ATL2: variants seen among roughly 807,000 people sequenced by gnomAD.
ATL2 encodes atlastin GTPase 2.
ATL2 carries 31 observed loss-of-function variants against 73.9 expected under a neutral mutation model. That is an observed-to-expected ratio of 0.42 (90% confidence interval 0.32 to 0.57). The LOEUF (loss-of-function observed/expected upper bound fraction) is 0.57. Ranked by LOEUF, ATL2 falls within the 20% of genes least tolerant of loss-of-function variation. The pLI is 0.14. For missense variants in ATL2, 738 were observed against 702.6 expected (o/e 1.05, Z -0.57); for synonymous variants, 291 against 237.5 (o/e 1.23, Z -2.07).
At chr2:38,372,683 T>G (rs1671755639) in intron 1 of ATL2, among the ~76,000 whole-genome samples, 1 of 152,262 alleles carries the variant, frequency 6.6e-6, no homozygotes. Flanking sequence ...CATCTTATGT[T>G]AATAACTGAA....
In ATL2 at chr2:38,376,193, CAG is replaced by C. The variant is rs1292730665; in HGVS notation, c.118+948_118+949del. ...CTTAAGTACCATCAAAATTTTCAAT[CAG>C]GATTTCATGCGATCAATTCGCACCA... On this transcript the variant is annotated intron_variant, in intron 1 of 12. Transcript: ENST00000378954. The C allele has an allele frequency of 2.6e-6, 4 of 1,520,772 alleles. No individual in the cohort carries two copies. The Admixed American group carries it at 6.4e-5, about 24-fold the overall frequency. The allele number at this position is 1,520,772 out of a possible 1,614,324, so 94.2% of individuals were successfully genotyped here.
chr2:38,367,435 C>G (rs1671394472), intron 1 of ATL2, among the ~76,000 whole-genome samples: 1 of 150,690 alleles, frequency 6.6e-6, no homozygotes, highest in African/African-American at 2.4e-5. Context: ...AACCCCGTCT[C>G]TATTAAAAAT....
chr2:38,362,431 G>A (rs1050326705), intron 1 of ATL2, among the ~76,000 whole-genome samples: 3 of 152,146 alleles, frequency 2.0e-5, no homozygotes, highest in Non-Finnish European at 2.9e-5. Flanking sequence ...CAGCCACACC[G>A]TACAACAGTG....
chr2:38,352,925 C>T (rs1245813463), intron 1 of ATL2, among the ~76,000 whole-genome samples: 4 of 152,168 alleles, frequency 2.6e-5, no homozygotes, highest in South Asian at 2.1e-4. Context: ...CCCACACTAA[C>T]GAAGTATGAA....
At chr2:38,341,009 G>C (rs1669682446) in intron 2 of ATL2, among the ~76,000 whole-genome samples, 1 of 152,188 alleles carries the variant, frequency 6.6e-6, no homozygotes, top group African/African-American at 2.4e-5. Context: ...ATGGGGGGCT[G>C]CTACTCCACT....
At chr2:38,376,295 C>A (rs765704258) in intron 1 of ATL2, 75 of 1,330,626 alleles carry the variant, frequency 5.6e-5, no homozygotes, top group Non-Finnish European at 3.8e-5. Flanking sequence ...GCTGCCAACG[C>A]AACTGCGTCT....
chr2:38,301,854 G>A (rs1221194832), intron 9 of ATL2, among the ~76,000 whole-genome samples: 2 of 152,194 alleles, frequency 1.3e-5, no homozygotes, highest in Non-Finnish European at 2.9e-5. Context: ...AGCTGGGGCA[G>A]CCAAGGGACT....
chr2:38,359,776 T>A lies in ATL2; in HGVS notation c.119-16264A>T, dbSNP rs74258918. On this transcript the variant is annotated intron_variant, in intron 1 of 12. Transcript: ENST00000378954. ...AAGTATTTTTCCCCAAAGTTTGTCATCAAATATTACCCAGTTCTTAAAAGC... is the reference window on the plus strand; with the variant it reads ...AAGTATTTTTCCCCAAAGTTTGTCAACAAATATTACCCAGTTCTTAAAAGC... 6.9e-3 allele frequency among the ~76,000 whole-genome samples: 1,050 copies of A among 152,244 alleles called. 12 individuals carry two copies. Among genetic ancestry groups the A allele is most frequent in the East Asian group, 0.058 (299 of 5,178 alleles).
intron 2 of ATL2, among the ~76,000 whole-genome samples, chr2:38,341,596 T>C (rs1263669182): frequency 6.6e-6 from 1 of 152,076 alleles, no homozygotes; most frequent in Non-Finnish European, 1.5e-5. Context: ...AAACTGACAC[T>C]AAAAGCCATG....
intron 1 of ATL2, among the ~76,000 whole-genome samples, chr2:38,370,149 T>C (rs1160726995): frequency 6.6e-5 from 5 of 76,016 alleles, no homozygotes; most frequent in South Asian, 3.8e-4. Flanking sequence ...CGAGACTCCG[T>C]CAAAAAAAAA....
At chr2:38,304,992 T>G (rs1454693126) in intron 9 of ATL2, among the ~76,000 whole-genome samples, 1 of 151,920 alleles carries the variant, frequency 6.6e-6, no homozygotes, top group Non-Finnish European at 1.5e-5. Flanking sequence ...TGAATGGGTT[T>G]TAAAAAATGG....
chr2:38,340,902 T>C (rs1298919702), intron 2 of ATL2, among the ~76,000 whole-genome samples: 1 of 152,212 alleles, frequency 6.6e-6, no homozygotes, highest in African/African-American at 2.4e-5. Flanking sequence ...TAACTAGATG[T>C]ATAACCTCAC....
intron 9 of ATL2, among the ~76,000 whole-genome samples, chr2:38,307,127 G>A (rs1667490683): frequency 6.6e-6 from 1 of 152,114 alleles, no homozygotes; most frequent in Non-Finnish European, 1.5e-5. Flanking sequence ...GGAGGCAGAT[G>A]CAGGCAGATC....
chr2:38,336,254 G>T (rs974740892), intron 2 of ATL2, among the ~76,000 whole-genome samples: 17 of 152,206 alleles, frequency 1.1e-4, no homozygotes, highest in Non-Finnish European at 4.4e-5. Flanking sequence ...CTTGTGGCAA[G>T]TTATATGTAG....
chr2:38,359,770 T>G (rs143302539), intron 1 of ATL2, among the ~76,000 whole-genome samples: 24 of 152,132 alleles, frequency 1.6e-4, no homozygotes, highest in African/African-American at 5.8e-4. Context: ...TCCCCAAAGT[T>G]TGTCATCAAA....
upstream of ATL2, among the ~76,000 whole-genome samples, chr2:38,377,589 C>T (rs569805647): frequency 2.0e-5 from 3 of 152,270 alleles, no homozygotes; most frequent in South Asian, 4.1e-4. Context: ...CACCACACCC[C>T]CTTAGCGCTG....
At chr2:38,325,097 G>A (rs1256260654) in intron 2 of ATL2, among the ~76,000 whole-genome samples, 1 of 152,230 alleles carries the variant, frequency 6.6e-6, no homozygotes, top group Non-Finnish European at 1.5e-5. Context: ...TAACAAAACG[G>A]AAGGGGCAGA....
At position 38,334,640 on chromosome 2, in the gene ATL2, G is replaced by T. The variant is rs182876892; in HGVS notation, c.363+8628C>A. 9.1e-3 allele frequency among the ~76,000 whole-genome samples: 1,370 copies of T among 151,348 alleles called. 20 individuals are homozygous for T. Among genetic ancestry groups the T allele is most frequent in the African/African-American group, 0.03 (1,220 of 41,300 alleles). ...TTGAACCTGGGAGGCGGAGGTTGCG[G>T]TGAGCCAAGATCGCGCCATTGCACT... On this transcript the variant is annotated intron_variant, in intron 2 of 12. Coordinates refer to ENST00000378954, the MANE Select transcript of ATL2 (RefSeq NM_001135673.4).
chr2:38,337,575 T>C (rs1669442664), intron 2 of ATL2, among the ~76,000 whole-genome samples: 2 of 150,220 alleles, frequency 1.3e-5, no homozygotes, highest in Admixed American at 6.7e-5. Context: ...TAAGGGATTA[T>C]TATTTCTATA....
Sources: gnomAD v4.1 joint callset for allele counts (sites outside exome capture counted in the v4.1 genomes callset) on GRCh38, gnomAD v4.1.1 for gene constraint, MANE v1.5 for transcripts, NCBI Gene and HGNC (gene_info 2026-07-23, HGNC 2026-07-21) for gene names.